STIM1: variants seen among roughly 807,000 people sequenced by gnomAD.
STIM1 encodes stromal interaction molecule 1.
STIM1 carries 25 observed loss-of-function variants against 74.7 expected under a neutral mutation model. The ratio of observed to expected loss-of-function variants is 0.33; its 90% confidence interval spans 0.24 to 0.47. STIM1 has a LOEUF of 0.47. Among genes scored for constraint, STIM1 ranks in the 20% least tolerant of loss-of-function variants. STIM1 has a pLI of 1.00. For synonymous variants in STIM1, 328 were observed against 348.8 expected (o/e 0.94, Z 0.66); for missense variants, 728 against 920.8 (o/e 0.79, Z 2.71).
intron 1 of STIM1, among the ~76,000 whole-genome samples, chr11:3,895,612 T>TTCTCTC (rs71047184): frequency 3.1e-5 from 1 of 32,324 alleles, no homozygotes; most frequent in African/African-American, 1.4e-4. Context: ...TTCTCTCTCT[T>TTCTCTC]TCTTTCTTTC....
intron 1 of STIM1, among the ~76,000 whole-genome samples, chr11:3,904,516 A>G (rs1163533062): frequency 1.3e-5 from 2 of 152,162 alleles, no homozygotes; most frequent in African/African-American, 4.8e-5. Context: ...GTTAAGCTTT[A>G]CCGTCGATAT....
chr11:3,864,442 GT>G (rs1315058869), intron 1 of STIM1, among the ~76,000 whole-genome samples: 1 of 152,176 alleles, frequency 6.6e-6, no homozygotes, highest in African/African-American at 2.4e-5. Context: ...TGGGGGGAGA[GT>G]GTTTGCTTTT....
At chr11:3,879,752 A>G (rs1429521769) in intron 1 of STIM1, among the ~76,000 whole-genome samples, 2 of 152,124 alleles carry the variant, frequency 1.3e-5, no homozygotes, top group Non-Finnish European at 1.5e-5. Context: ...GCTCTTCTAC[A>G]TTTGTTTTTT....
At chr11:4,057,472 A>T (rs942949323) in intron 4 of STIM1, among the ~76,000 whole-genome samples, 1 of 152,162 alleles carries the variant, frequency 6.6e-6, no homozygotes, top group African/African-American at 2.4e-5. Context: ...ACATGGTATA[A>T]TGAGAATAAT....
At chr11:3,918,571 T>C (rs879354062) in intron 1 of STIM1, among the ~76,000 whole-genome samples, 31 of 148,676 alleles carry the variant, frequency 2.1e-4, no homozygotes, top group Non-Finnish European at 4.2e-4. Context: ...GAAAGAAAGA[T>C]ACAACATAAT....
At chr11:3,916,118 T>G (rs968496377) in intron 1 of STIM1, among the ~76,000 whole-genome samples, 2 of 152,220 alleles carry the variant, frequency 1.3e-5, no homozygotes, top group Non-Finnish European at 2.9e-5. Context: ...GCCAAGGTTA[T>G]GAAGATTTAC....
At chr11:3,980,817 T>C (rs1799354073) in intron 2 of STIM1, among the ~76,000 whole-genome samples, 1 of 152,136 alleles carries the variant, frequency 6.6e-6, no homozygotes, top group Non-Finnish European at 1.5e-5. Flanking sequence ...TCTTGTACAT[T>C]GTAGGATGTT....
rs2090592475 is a variant in STIM1 at position 3,861,271 on chromosome 11, T to A, written c.139+4862T>A. On this transcript the variant is annotated intron_variant, in intron 1 of 12. Coordinates refer to ENST00000526596, the MANE Select transcript of STIM1 (RefSeq NM_001382567.1). ...TTTTTTGAGATGGAGTCTTGCTCTG[T>A]TGCCCAGGCTGGAGTGCAGTGGCCC... Among the ~76,000 whole-genome samples the A allele has an allele frequency of 2.0e-5, 3 of 151,704 alleles. No homozygotes were observed. In the South Asian group the frequency reaches 6.3e-4, roughly 32 times the overall value.
chr11:3,912,065 TA>T (rs1306664245), intron 1 of STIM1, among the ~76,000 whole-genome samples: 4 of 151,568 alleles, frequency 2.6e-5, no homozygotes, highest in Non-Finnish European at 4.4e-5. Flanking sequence ...GTGAGGCTAA[TA>T]GGGGGCATCT....
At chr11:4,017,178 G>A (rs943411007) in intron 2 of STIM1, among the ~76,000 whole-genome samples, 38 of 152,178 alleles carry the variant, frequency 2.5e-4, no homozygotes, top group Non-Finnish European at 4.7e-4. Flanking sequence ...GCTGTAGACC[G>A]GAGCTGTTCC....
intron 1 of STIM1, among the ~76,000 whole-genome samples, chr11:3,910,548 G>A (rs1211445213): frequency 1.3e-5 from 2 of 151,970 alleles, no homozygotes; most frequent in African/African-American, 4.8e-5. Flanking sequence ...GGCAACATAC[G>A]ACACCCTGTC....
chr11:4,071,692 A>G (rs1216807406), intron 6 of STIM1, among the ~76,000 whole-genome samples: 1 of 152,190 alleles, frequency 6.6e-6, no homozygotes, highest in African/African-American at 2.4e-5. Flanking sequence ...GGTAGGGACA[A>G]GACTTCTTGT....
In STIM1 at chr11:3,935,207, T is replaced by C. The variant is rs559777241; in HGVS notation, c.140-32345T>C. Among the ~76,000 whole-genome samples, 3 of 152,320 alleles carry C rather than the reference T, an allele frequency of 2.0e-5. No individual in the cohort carries two copies. The South Asian group carries it at 6.2e-4, about 32-fold the overall frequency. On this transcript the variant is annotated intron_variant, in intron 1 of 12. Transcript: ENST00000526596. ...TCATCTTACCCGTGTTTTTCTACCA[T>C]TGTAAGGCCAAAGACTGTGAGATTG...
intron 3 of STIM1, among the ~76,000 whole-genome samples, chr11:4,038,427 A>AG (rs1162755135): frequency 1.3e-5 from 2 of 152,150 alleles, no homozygotes; most frequent in East Asian, 3.9e-4. Flanking sequence ...TAATAAAAAA[A>AG]AAAAGAAGCT....
chr11:3,941,691 G>GAA (rs2093011912), intron 1 of STIM1, among the ~76,000 whole-genome samples: 1 of 148,904 alleles, frequency 6.7e-6, no homozygotes, highest in South Asian at 2.1e-4. Context: ...GAGAGAGAGA[G>GAA]AGAGAGTGTG....
chr11:3,957,656 G>A (rs79462088), intron 1 of STIM1, among the ~76,000 whole-genome samples: 4 of 151,860 alleles, frequency 2.6e-5, no homozygotes, highest in South Asian at 2.1e-4. Flanking sequence ...TCCTGGACTC[G>A]AGCAGTCCTC....
At chr11:4,042,501 A>G (rs1278275730) in intron 3 of STIM1, among the ~76,000 whole-genome samples, 1 of 152,124 alleles carries the variant, frequency 6.6e-6, no homozygotes, top group African/African-American at 2.4e-5. Flanking sequence ...GTATTGTTGT[A>G]TCTTTACTCC....
At chr11:4,007,674 C>T (rs2093795907) in intron 2 of STIM1, among the ~76,000 whole-genome samples, 1 of 152,206 alleles carries the variant, frequency 6.6e-6, no homozygotes, top group African/African-American at 2.4e-5. Context: ...ATCTCACTCT[C>T]CTTCCAATAA....
At chr11:3,895,651 TTTCTTTCTTTCTTTCTTTCTTTCCTTCC>T (rs2092058667) in intron 1 of STIM1, among the ~76,000 whole-genome samples, 3 of 11,734 alleles carry the variant, frequency 2.6e-4, no homozygotes, top group East Asian at 5.7e-3. Flanking sequence ...TCTTTCTTTC[TTTCTTTCTTTCTTTCTTTCTTTCCTTCC>T]TTCCTTCTTT....
Sources: gnomAD v4.1 joint callset for allele counts (sites outside exome capture counted in the v4.1 genomes callset) on GRCh38, gnomAD v4.1.1 for gene constraint, MANE v1.5 for transcripts, NCBI Gene and HGNC (gene_info 2026-07-23, HGNC 2026-07-21) for gene names.